NOL4: variants seen among roughly 807,000 people sequenced by gnomAD.
The protein encoded by NOL4 is cancer/testis antigen 125.
In NOL4, 17 loss-of-function variants were observed where a neutral mutation model predicts 75.9. That is an observed-to-expected ratio of 0.22 (90% CI 0.15 to 0.34). The LOEUF is 0.34. Ranked by LOEUF, NOL4 falls within the 10% of genes least tolerant of loss-of-function variation. The pLI, the probability that NOL4 is intolerant of heterozygous loss-of-function variation, is 1.00. For synonymous variants in NOL4, 292 were observed against 289.9 expected (o/e 1.01, Z -0.07); for missense variants, 614 against 793.5 (o/e 0.77, Z 2.72).
chr18:33,934,310 C>A (rs1192977929), intron 9 of NOL4, among the ~76,000 whole-genome samples: 2 of 152,030 alleles, frequency 1.3e-5, no homozygotes, highest in African/African-American at 4.8e-5. Flanking sequence ...CTAGGATCTT[C>A]AGAATGGTAA....
intron 5 of NOL4, among the ~76,000 whole-genome samples, chr18:34,039,222 T>C (rs764362622): frequency 2.0e-5 from 3 of 152,096 alleles, no homozygotes; most frequent in African/African-American, 7.2e-5. Context: ...AGTGGTTACA[T>C]TGGGGAAAAA....
At chr18:33,856,813 A>G (rs1472307881) in intron 10 of NOL4, among the ~76,000 whole-genome samples, 2 of 152,056 alleles carry the variant, frequency 1.3e-5, no homozygotes, top group South Asian at 2.1e-4. Flanking sequence ...CAACATTCTC[A>G]TGGACAAAAT....
intron 1 of NOL4, chr18:34,222,421 G>A (rs922153093): frequency 1.9e-5 from 21 of 1,120,462 alleles, no homozygotes; most frequent in Non-Finnish European, 2.3e-5. Context: ...GGGAGTGATC[G>A]AGGCATTCGG....
rs939914948 is a variant in NOL4, at chr18:34,224,239, G to C, written c.-986C>G. The C allele has an allele frequency of 1.3e-5, 2 of 152,244 alleles. No individual in the cohort carries two copies. The highest frequency in any genetic ancestry group is 2.9e-5 in the Non-Finnish European group (2 of 68,058). The allele number at this position is 152,244 out of a possible 1,614,324, so 9.4% of individuals were successfully genotyped here. ...TCTGCTGAACAAGACATAGAAGTAAGTTTAGGATACAGATGCTTGAAAACC... is the reference window on the plus strand; with the variant it reads ...TCTGCTGAACAAGACATAGAAGTAACTTTAGGATACAGATGCTTGAAAACC... On this transcript the variant is annotated 5_prime_UTR_variant, in exon 1 of 11. Transcript: ENST00000261592.
chr18:34,127,366 A>G (rs1413331036), intron 2 of NOL4, among the ~76,000 whole-genome samples: 1 of 151,926 alleles, frequency 6.6e-6, no homozygotes, highest in Non-Finnish European at 1.5e-5. Flanking sequence ...ATACACTTTA[A>G]TGATTAGTTA....
intron 5 of NOL4, among the ~76,000 whole-genome samples, chr18:34,046,686 C>G (rs2076397295): frequency 8.2e-6 from 1 of 122,488 alleles, no homozygotes; most frequent in South Asian, 2.6e-4. Flanking sequence ...CTATTTTTTT[C>G]TTAGCTATTC....
intron 5 of NOL4, among the ~76,000 whole-genome samples, chr18:34,070,617 C>T (rs972237803): frequency 2.0e-5 from 3 of 152,120 alleles, no homozygotes; most frequent in Non-Finnish European, 4.4e-5. Context: ...TGAAAACATC[C>T]TCCTTTAAAA....
rs766445252 is a variant in NOL4 at position 34,101,098 on chromosome 18, C to G, written c.639+2949G>C. On this transcript the variant is annotated intron_variant, in intron 4 of 10. Transcript: ENST00000261592. ...ATTTCACCTCTTTTCACTACCTAAA[C>G]CACTGTCTTTGATCCAAGCCACTAT... Among the ~76,000 whole-genome samples the G allele has an allele frequency of 5.9e-5, 9 of 152,178 alleles. 1 individual carries two copies. The highest frequency in any genetic ancestry group is 1.3e-4 in the Non-Finnish European group (9 of 68,024).
At chr18:34,056,400 G>A (rs1314517443) in intron 5 of NOL4, among the ~76,000 whole-genome samples, 1 of 152,048 alleles carries the variant, frequency 6.6e-6, no homozygotes, top group Non-Finnish European at 1.5e-5. Flanking sequence ...TCCCTAAGCA[G>A]CCTGCCCATT....
At chr18:33,867,435 G>A (rs542650071) in intron 10 of NOL4, among the ~76,000 whole-genome samples, 1 of 152,134 alleles carries the variant, frequency 6.6e-6, no homozygotes, top group South Asian at 2.1e-4. Context: ...CAAATGTACA[G>A]ATAAATTTTA....
intron 5 of NOL4, among the ~76,000 whole-genome samples, chr18:34,030,919 A>C (rs2075608091): frequency 8.2e-6 from 1 of 121,838 alleles, no homozygotes; most frequent in African/African-American, 2.8e-5. Flanking sequence ...CAGATATAAA[A>C]ATCAAAATAT....
intron 2 of NOL4, among the ~76,000 whole-genome samples, chr18:34,120,036 T>C: frequency 6.6e-6 from 1 of 152,246 alleles, no homozygotes; most frequent in Middle Eastern, 3.2e-3. Context: ...ATTGTTTATC[T>C]GAAATTCAAA....
intron 6 of NOL4, among the ~76,000 whole-genome samples, chr18:34,001,197 G>A (rs997051815): frequency 1.8e-4 from 28 of 151,924 alleles, no homozygotes; most frequent in Admixed American, 6.6e-4. Context: ...AGTATAGTAG[G>A]GTACAATTCA....
rs2062651181 is a variant in NOL4, at chr18:33,852,066, T to C, written c.*776A>G. 6.6e-6 allele frequency: 1 copy of C among 152,334 alleles called. No homozygotes were observed. The highest frequency in any genetic ancestry group is 2.4e-5 in the African/African-American group (1 of 41,352). 9.4% of individuals were successfully genotyped at this position (152,334 alleles called of 1,614,324 possible). On this transcript the variant is annotated 3_prime_UTR_variant, in exon 11 of 11. Coordinates refer to ENST00000261592, the MANE Select transcript of NOL4 (RefSeq NM_003787.5). ...AAAAATTCTGGGATGAAAACTGCTA[T>C]GATAAAGTTGCAGTGTTGAGTGGGG... is the stretch of plus-strand genomic sequence containing the variant.
At chr18:34,128,215 A>T (rs2080470762) in intron 2 of NOL4, among the ~76,000 whole-genome samples, 1 of 151,902 alleles carries the variant, frequency 6.6e-6, no homozygotes, top group Admixed American at 6.6e-5. Context: ...TCAAAGATTA[A>T]ATTATTTTAA....
At chr18:34,027,081 CT>C (rs1300240771) in intron 5 of NOL4, among the ~76,000 whole-genome samples, 2 of 152,162 alleles carry the variant, frequency 1.3e-5, no homozygotes, top group African/African-American at 4.8e-5. Flanking sequence ...ATTCTACATT[CT>C]TTTCTCTATG....
chr18:33,996,074 G>A (rs2073261302), intron 6 of NOL4, among the ~76,000 whole-genome samples: 1 of 151,512 alleles, frequency 6.6e-6, no homozygotes, highest in Admixed American at 6.6e-5. Context: ...AATGTTGAAA[G>A]ACTGGATGAA....
intron 5 of NOL4, among the ~76,000 whole-genome samples, chr18:34,038,948 G>A (rs2076026096): frequency 6.6e-6 from 1 of 151,988 alleles, no homozygotes; most frequent in African/African-American, 2.4e-5. Flanking sequence ...GGTGATGGGT[G>A]CCCCCAAATA....
intron 9 of NOL4, among the ~76,000 whole-genome samples, chr18:33,930,382 G>A (rs2067607062): frequency 6.6e-6 from 1 of 152,030 alleles, no homozygotes; most frequent in South Asian, 2.1e-4. Flanking sequence ...GATAATTTTT[G>A]TAATCACATT....
Sources: allele counts gnomAD v4.1 joint callset (sites outside exome capture counted in the v4.1 genomes callset), GRCh38; gene constraint gnomAD v4.1.1; transcripts MANE v1.5; gene names NCBI Gene and HGNC (gene_info 2026-07-23, HGNC 2026-07-21).